Variants in MARCHF1 observed in about 807,000 individuals in gnomAD.
MARCHF1 encodes the protein membrane associated ring-CH-type finger 1.
MARCHF1 carries 40 observed loss-of-function variants against 54.2 expected under a neutral mutation model. That is an observed-to-expected ratio of 0.74 (90% CI 0.57 to 0.96). The LOEUF is 0.96. Ranked by LOEUF, MARCHF1 falls within the 40% of genes least tolerant of loss-of-function variation. MARCHF1 has a pLI of 0.00. For missense variants in MARCHF1, 586 were observed against 656.5 expected, an observed-to-expected ratio of 0.89 and a Z score of 1.17; for synonymous variants, 236 against 236.3, an observed-to-expected ratio of 1.00 and a Z score of 0.01.
At position 163,791,743 on chromosome 4, in the gene MARCHF1, T is replaced by C. The variant is rs115076695; in HGVS notation, c.111+62278A>G. Among the ~76,000 whole-genome samples, 1,018 of 152,308 alleles carry C rather than the reference T, an allele frequency of 6.7e-3. 7 individuals are homozygous for C. The highest frequency in any genetic ancestry group is 0.03 in the South Asian group (145 of 4,830). On this transcript the variant is annotated intron_variant, in intron 4 of 9. Coordinates refer to ENST00000514618, the MANE Select transcript of MARCHF1 (RefSeq NM_001394959.1). ...TTTCCTTCACCTGATTTCTTTCTAA[T>C]TACCTATGAACAAATTAGGTTCCAT...
intron 5 of MARCHF1, among the ~76,000 whole-genome samples, chr4:163,645,982 A>G (rs901040210): frequency 2.6e-5 from 4 of 152,170 alleles, no homozygotes; most frequent in African/African-American, 9.7e-5. Flanking sequence ...CTGTCTGAAA[A>G]CTTTCTAAAT....
At chr4:163,536,320 G>A (rs1385219874) in intron 9 of MARCHF1, among the ~76,000 whole-genome samples, 1 of 152,050 alleles carries the variant, frequency 6.6e-6, no homozygotes, top group Non-Finnish European at 1.5e-5. Flanking sequence ...CCTTATACAT[G>A]CCTGGAAGTT....
intron 5 of MARCHF1, among the ~76,000 whole-genome samples, chr4:163,630,929 A>G (rs1742053545): frequency 6.6e-6 from 1 of 152,154 alleles, no homozygotes; most frequent in Non-Finnish European, 1.5e-5. Context: ...TAGAAAAGAG[A>G]GAAGGAAAGG....
chr4:163,815,149 G>T (rs1439648318), intron 4 of MARCHF1, among the ~76,000 whole-genome samples: 4 of 152,070 alleles, frequency 2.6e-5, no homozygotes, highest in Non-Finnish European at 5.9e-5. Flanking sequence ...ACAGTAATAA[G>T]AAAAAGTTTA....
chr4:164,036,754 A>T (rs1217462537), intron 2 of MARCHF1, among the ~76,000 whole-genome samples: 1 of 152,194 alleles, frequency 6.6e-6, no homozygotes, highest in Non-Finnish European at 1.5e-5. Flanking sequence ...ATACCATCAC[A>T]TACTCAATAA....
At chr4:164,328,705 T>G (rs991665927) in intron 1 of MARCHF1, among the ~76,000 whole-genome samples, 1 of 152,104 alleles carries the variant, frequency 6.6e-6, no homozygotes, top group African/African-American at 2.4e-5. Context: ...AATTTTTGTA[T>G]TTTTAGTAAA....
At chr4:164,201,090 T>C (rs1731439517) in intron 1 of MARCHF1, among the ~76,000 whole-genome samples, 2 of 152,266 alleles carry the variant, frequency 1.3e-5, no homozygotes, top group South Asian at 4.1e-4. Context: ...AAAGCAACTC[T>C]TATTTTCTTG....
At chr4:164,144,320 C>T (rs1444384576) in intron 1 of MARCHF1, among the ~76,000 whole-genome samples, 2 of 151,772 alleles carry the variant, frequency 1.3e-5, no homozygotes, top group Admixed American at 1.3e-4. Flanking sequence ...ACCAAGGGGA[C>T]CTAATAGACA....
chr4:164,127,881 C>A (rs1267232494), intron 1 of MARCHF1, among the ~76,000 whole-genome samples: 1 of 151,870 alleles, frequency 6.6e-6, no homozygotes, highest in Non-Finnish European at 1.5e-5. Flanking sequence ...GCAGACACAA[C>A]AATGGAGAAT....
intron 4 of MARCHF1, among the ~76,000 whole-genome samples, chr4:163,822,383 T>C (rs1197887664): frequency 6.6e-6 from 1 of 151,918 alleles, no homozygotes; most frequent in African/African-American, 2.4e-5. Context: ...ATTATATGAA[T>C]AGTTTTGCAA....
intron 4 of MARCHF1, among the ~76,000 whole-genome samples, chr4:163,814,982 T>G (rs894502864): frequency 1.2e-4 from 19 of 152,086 alleles, no homozygotes; most frequent in Admixed American, 3.3e-4. Context: ...ACTTAAAAAA[T>G]GAAATGAAAA....
chr4:164,095,415 AACACAC>A (rs60204920), intron 2 of MARCHF1, among the ~76,000 whole-genome samples: 13 of 148,852 alleles, frequency 8.7e-5, no homozygotes, highest in African/African-American at 2.5e-4. Context: ...CACACACACA[AACACAC>A]ACACACACAC....
At chr4:164,022,578 C>A (rs1266802418) in intron 2 of MARCHF1, among the ~76,000 whole-genome samples, 1 of 152,238 alleles carries the variant, frequency 6.6e-6, no homozygotes, top group African/African-American at 2.4e-5. Context: ...CACCCTGTAT[C>A]TACCACAGAC....
intron 4 of MARCHF1, among the ~76,000 whole-genome samples, chr4:163,744,262 A>G (rs1012799756): frequency 6.6e-6 from 1 of 152,104 alleles, no homozygotes; most frequent in Non-Finnish European, 1.5e-5. Flanking sequence ...TTTTTAGGGG[A>G]AAGCCTCAGG....
chr4:164,211,914 T>C (rs1731785046), intron 1 of MARCHF1, among the ~76,000 whole-genome samples: 1 of 152,090 alleles, frequency 6.6e-6, no homozygotes, highest in Non-Finnish European at 1.5e-5. Context: ...CTCCAACATG[T>C]TTGAATGCTT....
intron 1 of MARCHF1, among the ~76,000 whole-genome samples, chr4:164,194,173 C>T (rs1195682521): frequency 6.6e-6 from 1 of 152,180 alleles, no homozygotes; most frequent in African/African-American, 2.4e-5. Flanking sequence ...CTACATTACA[C>T]ACAAGCTCCA....
At chr4:163,890,364 C>G (rs1349690673) in intron 3 of MARCHF1, among the ~76,000 whole-genome samples, 1 of 50,272 alleles carries the variant, frequency 2.0e-5, no homozygotes, top group Non-Finnish European at 8.0e-5. Context: ...TTTAAATGGG[C>G]TTTCTCTCTC....
chr4:164,009,308 A>G (rs1406270161), intron 2 of MARCHF1, among the ~76,000 whole-genome samples: 1 of 152,166 alleles, frequency 6.6e-6, no homozygotes, highest in Non-Finnish European at 1.5e-5. Context: ...CATAATAACA[A>G]GTCTCTCATT....
At chr4:163,967,071 A>G (rs746924628) in intron 3 of MARCHF1, among the ~76,000 whole-genome samples, 4 of 152,142 alleles carry the variant, frequency 2.6e-5, no homozygotes, top group Non-Finnish European at 4.4e-5. Flanking sequence ...GAATAGATCA[A>G]TTTCTACTGC....
Sources: allele counts gnomAD v4.1 joint callset (sites outside exome capture counted in the v4.1 genomes callset), GRCh38; gene constraint gnomAD v4.1.1; transcripts MANE v1.5; gene names NCBI Gene and HGNC (gene_info 2026-07-23, HGNC 2026-07-21).